The following ICA1 variants were observed in gnomAD, a reference collection of about 807,000 sequenced individuals.
ICA1 encodes the protein islet cell autoantigen 1, also known as 69 kDa islet cell autoantigen.
ICA1 carries 40 observed loss-of-function variants against 71.0 expected under a neutral mutation model. The ratio of observed to expected loss-of-function variants is 0.56; its 90% CI spans 0.44 to 0.73. ICA1 has a LOEUF of 0.73. Among genes scored for constraint, ICA1 ranks in the 30% least tolerant of loss-of-function variants. ICA1 has a pLI of 0.00. For missense variants in ICA1, 578 were observed against 576.5 expected, an observed-to-expected ratio of 1.00 and a Z score of -0.03; for synonymous variants, 207 against 209.5, an observed-to-expected ratio of 0.99 and a Z score of 0.10.
At chr7:8,212,178 G>C (rs190945378) in intron 6 of ICA1, among the ~76,000 whole-genome samples, 3 of 152,204 alleles carry the variant, frequency 2.0e-5, no homozygotes, top group Admixed American at 1.3e-4. Context: ...GAACTTACTT[G>C]AAGTCCCAGG....
At chr7:8,160,394 G>A (rs571360017) in intron 6 of ICA1, among the ~76,000 whole-genome samples, 1 of 152,108 alleles carries the variant, frequency 6.6e-6, no homozygotes, top group African/African-American at 2.4e-5. Context: ...TTACTGATGA[G>A]GATTGCGAGG....
At chr7:8,122,083 C>CA (rs938713869) in intron 13 of ICA1, among the ~76,000 whole-genome samples, 13 of 152,094 alleles carry the variant, frequency 8.5e-5, no homozygotes, top group African/African-American at 3.1e-4. Flanking sequence ...AGAAGTTAGC[C>CA]AGGTCAGACA....
chr7:8,261,735 G>A (rs916603771), intron 1 of ICA1, among the ~76,000 whole-genome samples: 2 of 151,552 alleles, frequency 1.3e-5, no homozygotes, highest in Admixed American at 6.6e-5. Context: ...CCGCCGGGAA[G>A]GCGAGGCGCG....
At chr7:8,218,562 T>A (rs1047120848) in intron 5 of ICA1, 59 bp from the exon 6 acceptor site, 4 of 1,398,050 alleles carry the variant, frequency 2.9e-6, no homozygotes, top group Non-Finnish European at 4.1e-6. Context: ...TTTAAATCCT[T>A]GACATTCTGC....
chr7:8,239,208 GA>G (rs1802894508), intron 1 of ICA1, among the ~76,000 whole-genome samples: 1 of 152,166 alleles, frequency 6.6e-6, no homozygotes, highest in Non-Finnish European at 1.5e-5. Context: ...AACATCTTAA[GA>G]TTTCCTGACA....
At chr7:8,148,893 C>G (rs929095573) in intron 8 of ICA1, among the ~76,000 whole-genome samples, 1 of 152,138 alleles carries the variant, frequency 6.6e-6, no homozygotes, top group African/African-American at 2.4e-5. Flanking sequence ...CAAATTAGTT[C>G]CTGGGTGTGA....
At chr7:8,161,099 G>A (rs914385362) in intron 6 of ICA1, among the ~76,000 whole-genome samples, 3 of 152,296 alleles carry the variant, frequency 2.0e-5, no homozygotes, top group Admixed American at 6.5e-5. Context: ...TTTCAAGTAT[G>A]TATTCATTCA....
chr7:8,232,541 G>T (rs1478917963), intron 3 of ICA1, 49 bp downstream of exon 3: 11 of 1,534,666 alleles, frequency 7.2e-6, no homozygotes, highest in Admixed American at 2.0e-5. Context: ...CTAGGACCTT[G>T]ATCCTAGCAA....
chr7:8,195,728 C>T (rs1419504246), intron 6 of ICA1, among the ~76,000 whole-genome samples: 1 of 152,028 alleles, frequency 6.6e-6, no homozygotes, highest in Non-Finnish European at 1.5e-5. Flanking sequence ...GCTTGCAATC[C>T]CAGCACTTTG....
At position 8,135,035 on chromosome 7, in the gene ICA1, A is replaced by AT. The variant is rs34913176; in HGVS notation, c.1060+3804dup. ...ATAGACTCTTTATAGAATTTTTTTTATTTTTTTTTGAGACAGAGTGTTACT... is the reference window on the plus strand; with the variant it reads ...ATAGACTCTTTATAGAATTTTTTTTATTTTTTTTTTGAGACAGAGTGTTACT... On this transcript the variant is annotated intron_variant, in intron 12 of 13. Transcript: ENST00000402384. Among the ~76,000 whole-genome samples, 8 of 151,342 alleles carry AT rather than the reference A, an allele frequency of 5.3e-5. No homozygotes were observed. In the South Asian group the frequency reaches 1.1e-3, roughly 20 times the overall value.
intron 6 of ICA1, among the ~76,000 whole-genome samples, chr7:8,168,292 T>G (rs1806915480): frequency 6.6e-6 from 1 of 152,172 alleles, no homozygotes; most frequent in Non-Finnish European, 1.5e-5. Context: ...CTCCAGTGTT[T>G]CCAAAATTTA....
intron 10 of ICA1, 48 bp from the exon 11 acceptor site, chr7:8,139,095 G>A: frequency 7.0e-7 from 1 of 1,426,602 alleles, no homozygotes; most frequent in Non-Finnish European, 9.9e-7. Context: ...GAAATGGTGT[G>A]CATGTTCATA....
At chr7:8,137,196 T>C (rs1421177046) in intron 12 of ICA1, among the ~76,000 whole-genome samples, 1 of 152,208 alleles carries the variant, frequency 6.6e-6, no homozygotes, top group Non-Finnish European at 1.5e-5. Flanking sequence ...AGGATTCTTT[T>C]ACTGTGTATT....
intron 2 of ICA1, 44 bp downstream of exon 2, chr7:8,235,866 T>C: frequency 6.3e-7 from 1 of 1,592,236 alleles, no homozygotes; most frequent in Non-Finnish European, 8.6e-7. Flanking sequence ...ATATGCTATA[T>C]GCTTTCTACT....
At chr7:8,156,883 G>A (rs565591778) in intron 8 of ICA1, 22 of 1,519,488 alleles carry the variant, frequency 1.4e-5, no homozygotes, top group South Asian at 6.4e-5. Context: ...TTCAATTCGC[G>A]CTTTTGGATT....
chr7:8,134,957 A>C (rs4725072), intron 12 of ICA1, among the ~76,000 whole-genome samples: 145,982 of 152,222 alleles, frequency 0.96, 70,026 homozygotes, highest in East Asian at 1. Flanking sequence ...TAGATGTTAG[A>C]AGACAAGTAA....
intron 12 of ICA1, among the ~76,000 whole-genome samples, chr7:8,135,160 G>A (rs983097683): frequency 6.6e-6 from 1 of 152,048 alleles, no homozygotes; most frequent in Non-Finnish European, 1.5e-5. Flanking sequence ...CAGAGTAGCT[G>A]GGATTACAGA....
intron 8 of ICA1, among the ~76,000 whole-genome samples, chr7:8,153,869 T>A (rs571670809): frequency 3.9e-4 from 50 of 128,700 alleles, no homozygotes; most frequent in African/African-American, 1.3e-3. Flanking sequence ...GTAGTAACAT[T>A]TCAATGAATT....
intron 8 of ICA1, among the ~76,000 whole-genome samples, chr7:8,153,515 T>A (rs2128177329): frequency 6.6e-6 from 1 of 152,262 alleles, no homozygotes; most frequent in Middle Eastern, 3.4e-3. Flanking sequence ...TCCCCCTTGA[T>A]AATGTCTGCT....
Sources: allele counts gnomAD v4.1 joint callset (sites outside exome capture counted in the v4.1 genomes callset), GRCh38; gene constraint gnomAD v4.1.1; transcripts MANE v1.5; gene names NCBI Gene and HGNC (gene_info 2026-07-23, HGNC 2026-07-21).